Variants in ABCA12 observed in about 807,000 individuals in gnomAD.
The protein encoded by ABCA12 is ATP binding cassette subfamily A member 12, also known as glucosylceramide transporter ABCA12.
In ABCA12, 156 loss-of-function variants were observed where a neutral mutation model predicts 293.5. That is an observed-to-expected ratio of 0.53 (90% CI 0.47 to 0.61). The LOEUF is 0.61. Ranked by LOEUF, ABCA12 falls within the 20% of genes least tolerant of loss-of-function variation. The probability of loss-of-function intolerance (pLI) is 0.00; values close to 1 mark genes in which losing one functional copy is unlikely to be tolerated. For synonymous variants in ABCA12, 1,063 were observed against 1,108.0 expected (o/e 0.96, Z 0.81); for missense variants, 2,797 against 3,090.2 (o/e 0.91, Z 2.25).
intron 2 of ABCA12, among the ~76,000 whole-genome samples, chr2:215,110,429 T>C (rs1702548706): frequency 2.6e-5 from 4 of 152,132 alleles, no homozygotes; most frequent in African/African-American, 9.7e-5. Flanking sequence ...GAGAATGGTG[T>C]GAACCCAGGA....
At chr2:215,130,858 G>A (rs866323857) in intron 1 of ABCA12, among the ~76,000 whole-genome samples, 4 of 151,700 alleles carry the variant, frequency 2.6e-5, no homozygotes, top group African/African-American at 4.8e-5. Flanking sequence ...CCCATTCAGC[G>A]TGATGTTGGC....
intron 7 of ABCA12, chr2:215,039,113 T>G (rs879898379): frequency 2.0e-5 from 3 of 152,220 alleles, no homozygotes; most frequent in Non-Finnish European, 4.4e-5. Context: ...AACAATCCTG[T>G]GTGTCCTTTC....
rs186245181 is a variant in ABCA12, at chr2:215,035,477, G to T, written c.985+1476C>A. On this transcript the variant is annotated intron_variant, in intron 8 of 52. Coordinates refer to ENST00000272895, the MANE Select transcript of ABCA12 (RefSeq NM_173076.3). ...GAGGTCAGGAGTTCAAGACCAGCCTGTTCAAGATGGTGAAACCCCATCTCT... is the reference window on the plus strand; with the variant it reads ...GAGGTCAGGAGTTCAAGACCAGCCTTTTCAAGATGGTGAAACCCCATCTCT... 1.2e-3 allele frequency among the ~76,000 whole-genome samples: 187 copies of T among 152,018 alleles called. 1 individual carries two copies. The highest frequency in any genetic ancestry group is 4.4e-3 in the African/African-American group (181 of 41,442).
intron 14 of ABCA12, among the ~76,000 whole-genome samples, chr2:215,016,292 T>C (rs2106008498): frequency 6.6e-6 from 1 of 150,966 alleles, no homozygotes; most frequent in African/African-American, 2.4e-5. Context: ...AGTTTAAGAC[T>C]TTGCTCCCTG....
At chr2:214,956,972 T>C (rs964182249) in intron 41 of ABCA12, among the ~76,000 whole-genome samples, 194 bp from the exon 42 acceptor site, 1 of 152,218 alleles carries the variant, frequency 6.6e-6, no homozygotes, top group Non-Finnish European at 1.5e-5. Context: ...ATTTGTCTCC[T>C]GCAATATGAG....
chr2:214,936,388 G>T (rs931768671), intron 51 of ABCA12, among the ~76,000 whole-genome samples: 1 of 152,122 alleles, frequency 6.6e-6, no homozygotes, highest in Non-Finnish European at 1.5e-5. Flanking sequence ...TTACAAATGA[G>T]AAAAATGAGG....
At chr2:215,065,145 G>C (rs879605825) in intron 2 of ABCA12, among the ~76,000 whole-genome samples, 17 of 151,798 alleles carry the variant, frequency 1.1e-4, no homozygotes, top group Admixed American at 9.9e-4. Context: ...CAATAGGCAA[G>C]CTGGGAAATA....
intron 48 of ABCA12, among the ~76,000 whole-genome samples, chr2:214,946,180 G>C (rs1463022445): frequency 6.6e-6 from 1 of 151,982 alleles, no homozygotes; most frequent in Non-Finnish European, 1.5e-5. Flanking sequence ...ATATCACACT[G>C]TACTCCATAA....
intron 30 of ABCA12, among the ~76,000 whole-genome samples, chr2:214,981,000 T>C (rs1023214226): frequency 1.3e-5 from 2 of 150,738 alleles, no homozygotes; most frequent in African/African-American, 4.9e-5. Context: ...CAGGAGACTC[T>C]CTTGAACCCG....
At chr2:215,000,000 A>G (rs751127162) in intron 22 of ABCA12, among the ~76,000 whole-genome samples, 1 of 152,226 alleles carries the variant, frequency 6.6e-6, no homozygotes, top group Non-Finnish European at 1.5e-5. Flanking sequence ...GCTTTTATAT[A>G]GGAAGGTGAG....
intron 2 of ABCA12, among the ~76,000 whole-genome samples, chr2:215,083,817 C>T (rs566118270): frequency 2.6e-5 from 4 of 152,238 alleles, no homozygotes; most frequent in African/African-American, 7.2e-5. Context: ...GCTGGGTGCC[C>T]TAGCTTTAAC....
intron 7 of ABCA12, 149 bp downstream of exon 7, chr2:215,045,688 C>T: frequency 4.1e-6 from 3 of 735,088 alleles, no homozygotes; most frequent in Middle Eastern, 7.9e-4. Context: ...AATACACTCA[C>T]CTTCACTGCT....
intron 2 of ABCA12, among the ~76,000 whole-genome samples, chr2:215,094,893 T>C (rs968230766): frequency 6.6e-6 from 1 of 152,164 alleles, no homozygotes; most frequent in Non-Finnish European, 1.5e-5. Flanking sequence ...TCTCATCTTT[T>C]CACTTTACAG....
rs190613499 is a variant in ABCA12 at position 215,026,946 on chromosome 2, A to T, written c.1062-8T>A. 2,035 of 1,530,732 alleles carry T rather than the reference A, an allele frequency of 1.3e-3. 18 individuals carry two copies. Among genetic ancestry groups the T allele is most frequent in the South Asian group, 8.0e-3 (710 of 89,306 alleles). 94.8% of individuals were successfully genotyped at this position (1,530,732 alleles called of 1,614,324 possible). A position where few individuals can be genotyped will look rare whatever the true frequency, so the allele number is the denominator to read the frequency against. ...TTTTCCAGAATTAGGAGCCTGCAGAATTAGAAAAGAATATAGAAATTAAGA... is the reference window on the plus strand; with the variant it reads ...TTTTCCAGAATTAGGAGCCTGCAGATTTAGAAAAGAATATAGAAATTAAGA... On this transcript the variant is annotated splice_region_variant and splice_polypyrimidine_tract_variant and intron_variant, in intron 9 of 52. Transcript: ENST00000272895.
intron 5 of ABCA12, chr2:215,050,885 T>A (rs1701306513): frequency 1.2e-6 from 1 of 849,572 alleles, no homozygotes; most frequent in African/African-American, 1.8e-5. Context: ...GACATAGGCA[T>A]CAATATATCA....
chr2:215,090,786 T>C lies in ABCA12; in HGVS notation c.163+20811A>G, dbSNP rs113405903. Among the ~76,000 whole-genome samples the C allele has an allele frequency of 5.0e-3, 766 of 152,212 alleles. 5 individuals carry two copies. Among genetic ancestry groups the C allele is most frequent in the African/African-American group, 0.017 (724 of 41,538 alleles). ...CCCTCTCTCCATGTCTCTACCCTCT[T>C]TTATCTAGATTTACCTTTTTACTAC... On this transcript the variant is annotated intron_variant, in intron 2 of 52. Transcript: ENST00000272895.
At chr2:215,060,228 T>C (rs1249816679) in intron 3 of ABCA12, among the ~76,000 whole-genome samples, 2 of 152,192 alleles carry the variant, frequency 1.3e-5, no homozygotes, top group African/African-American at 2.4e-5. Context: ...TCCGTCTCTC[T>C]TTCCCACTTG....
rs1462364065 is a variant in ABCA12, at chr2:214,987,806, T to C, written c.3830-13A>G. 2 of 1,612,380 alleles carry C rather than the reference T, an allele frequency of 1.2e-6. No homozygotes were observed. The highest frequency in any genetic ancestry group is 1.7e-6 in the Non-Finnish European group (2 of 1,179,276). Reference sequence around the variant, plus strand: ...ATACCGTATGTCCCTGGAATAAAAATATATCAGGAACAGTGAGTTTTAGTT... The same window carrying C: ...ATACCGTATGTCCCTGGAATAAAAACATATCAGGAACAGTGAGTTTTAGTT... On this transcript the variant is annotated splice_polypyrimidine_tract_variant and intron_variant, in intron 26 of 52. Coordinates refer to ENST00000272895, the MANE Select transcript of ABCA12 (RefSeq NM_173076.3).
At chr2:215,017,913 A>C (rs761470891) in intron 14 of ABCA12, 95 bp downstream of exon 14, 4 of 1,556,696 alleles carry the variant, frequency 2.6e-6, no homozygotes, top group South Asian at 1.1e-5. Flanking sequence ...TTAGCATGCA[A>C]CTTCTCAGTG....
Sources: allele counts gnomAD v4.1 joint callset (sites outside exome capture counted in the v4.1 genomes callset), GRCh38; gene constraint gnomAD v4.1.1; transcripts MANE v1.5; gene names NCBI Gene and HGNC (gene_info 2026-07-23, HGNC 2026-07-21).